Variants in SHANK2 observed in about 807,000 individuals in gnomAD.
SHANK2 encodes SH3 and multiple ankyrin repeat domains 2.
Under a neutral mutation model 133.7 loss-of-function variants are expected in SHANK2, and 43 were observed. The observed-to-expected ratio is 0.32, with a 90% confidence interval of 0.25 to 0.41. SHANK2 has a LOEUF of 0.41. Ranked by LOEUF, SHANK2 falls within the 10% of genes least tolerant of loss-of-function variation. SHANK2 has a pLI of 1.00. For synonymous variants in SHANK2, 1,017 were observed against 952.8 expected (o/e 1.07, Z -1.24); for missense variants, 1,994 against 2,235.8 (o/e 0.89, Z 2.18).
chr11:70,567,542 G>T (rs1442392996), intron 17 of SHANK2, among the ~76,000 whole-genome samples: 1 of 151,946 alleles, frequency 6.6e-6, no homozygotes, highest in Non-Finnish European at 1.5e-5. Flanking sequence ...CAGGAGAATT[G>T]CTTGAACCCA....
intron 10 of SHANK2, among the ~76,000 whole-genome samples, chr11:70,937,576 C>G (rs1386619244): frequency 6.6e-6 from 1 of 152,202 alleles, no homozygotes; most frequent in Non-Finnish European, 1.5e-5. Flanking sequence ...GGCAAGTGTG[C>G]AAAAGATGGG....
chr11:70,817,512 G>T (rs1565337721), intron 12 of SHANK2, among the ~76,000 whole-genome samples: 1 of 152,200 alleles, frequency 6.6e-6, no homozygotes, highest in Non-Finnish European at 1.5e-5. Context: ...CCTGATTTTA[G>T]CACTGAAAGT....
At chr11:70,897,939 T>TAC (rs1417161099) in intron 10 of SHANK2, among the ~76,000 whole-genome samples, 58 of 149,124 alleles carry the variant, frequency 3.9e-4, no homozygotes, top group African/African-American at 1.5e-3. Context: ...ATAATATACA[T>TAC]ATACACACAC....
chr11:70,787,396 TATC>T (rs1947690384), intron 14 of SHANK2, among the ~76,000 whole-genome samples: 2 of 62,346 alleles, frequency 3.2e-5, no homozygotes, highest in South Asian at 1.1e-3. Flanking sequence ...GGATCACCAC[TATC>T]ATCACCGTGA....
At chr11:70,492,846 A>G (rs2058913994) in intron 21 of SHANK2, among the ~76,000 whole-genome samples, 1 of 116,436 alleles carries the variant, frequency 8.6e-6, no homozygotes, top group Non-Finnish European at 1.6e-5. Flanking sequence ...CCCAGGCTGG[A>G]GTGCAGTGGT....
intron 3 of SHANK2, among the ~76,000 whole-genome samples, chr11:71,140,868 C>G (rs1460029439): frequency 6.6e-6 from 1 of 152,200 alleles, no homozygotes; most frequent in Non-Finnish European, 1.5e-5. Context: ...TGCCTTCCTG[C>G]CGGGAATTCA....
chr11:70,737,274 T>C (rs1357838426), intron 14 of SHANK2, among the ~76,000 whole-genome samples: 3 of 152,162 alleles, frequency 2.0e-5, no homozygotes, highest in South Asian at 4.1e-4. Context: ...AATGTTAAAA[T>C]AGAAACAAGT....
At chr11:70,664,266 C>G (rs1256670104) in intron 15 of SHANK2, among the ~76,000 whole-genome samples, 2 of 152,202 alleles carry the variant, frequency 1.3e-5, no homozygotes, top group Non-Finnish European at 2.9e-5. Context: ...TCCCTCTGAA[C>G]TCCTGAAAGG....
intron 17 of SHANK2, among the ~76,000 whole-genome samples, chr11:70,600,209 A>C (rs1427871353): frequency 6.6e-6 from 1 of 152,070 alleles, no homozygotes; most frequent in African/African-American, 2.4e-5. Flanking sequence ...ACTTGAGGTC[A>C]GGAGTTTGAG....
chr11:70,621,320 C>T (rs543324973), intron 17 of SHANK2, among the ~76,000 whole-genome samples: 8 of 152,332 alleles, frequency 5.3e-5, no homozygotes, highest in South Asian at 4.1e-4. Context: ...GAGGCAGGAG[C>T]GGCCAGGGTA....
chr11:71,075,097 C>T (rs1323713458), intron 9 of SHANK2, 62 bp downstream of exon 9: 1 of 164,408 alleles, frequency 6.1e-6, no homozygotes, highest in East Asian at 1.5e-4. Context: ...CAATTTAAGG[C>T]ACTTTGTTTT....
chr11:70,944,839 C>T (rs967411176), intron 10 of SHANK2, among the ~76,000 whole-genome samples: 1 of 152,182 alleles, frequency 6.6e-6, no homozygotes, highest in Non-Finnish European at 1.5e-5. Flanking sequence ...GGCTCTCTTC[C>T]GCCTCCTTGT....
At chr11:70,653,586 A>AAAAG (rs1565216240) in intron 17 of SHANK2, among the ~76,000 whole-genome samples, 29 of 151,412 alleles carry the variant, frequency 1.9e-4, no homozygotes, top group South Asian at 4.2e-4. Context: ...AAAAAAAAAA[A>AAAAG]AAAGAAAGAA....
intron 25 of SHANK2, among the ~76,000 whole-genome samples, chr11:70,480,078 C>T (rs1555151143): frequency 6.6e-6 from 1 of 152,206 alleles, no homozygotes; most frequent in Non-Finnish European, 1.5e-5. Flanking sequence ...TGCTGAAGCC[C>T]TCTGAAGGCA....
chr11:71,250,104 C>T (rs1422577418), intron 1 of SHANK2, among the ~76,000 whole-genome samples: 1 of 146,122 alleles, frequency 6.8e-6, no homozygotes, highest in African/African-American at 2.5e-5. Context: ...ATCCCCCCAA[C>T]AGACCGCCCC....
intron 17 of SHANK2, among the ~76,000 whole-genome samples, chr11:70,575,363 C>CAA (rs1490191007): frequency 6.6e-6 from 1 of 151,712 alleles, no homozygotes; most frequent in Non-Finnish European, 1.5e-5. Flanking sequence ...AATACACACA[C>CAA]AAAAAATCAG....
rs1253502443 is a variant in SHANK2 at position 71,093,266 on chromosome 11, G to T, written c.745-677C>A. On this transcript the variant is annotated intron_variant, in intron 7 of 25. Coordinates refer to ENST00000601538, the MANE Select transcript of SHANK2 (RefSeq NM_012309.5). Reference sequence around the variant, plus strand: ...TTTGCGGAAGAGAGAAAAGGTGCATGGTTTAACCTACATGCCCAGTGGAAA... The same window carrying T: ...TTTGCGGAAGAGAGAAAAGGTGCATTGTTTAACCTACATGCCCAGTGGAAA... Among the ~76,000 whole-genome samples, 8 of 152,118 alleles carry T rather than the reference G, an allele frequency of 5.3e-5. 1 individual carries two copies. The South Asian group carries it at 1.7e-3, about 32-fold the overall frequency.
At chr11:71,235,561 C>G (rs1954816399) in intron 1 of SHANK2, among the ~76,000 whole-genome samples, 1 of 151,082 alleles carries the variant, frequency 6.6e-6, no homozygotes, top group Non-Finnish European at 1.5e-5. Context: ...CCAATGCACT[C>G]CAGCCTGGGC....
chr11:70,805,798 A>C (rs1948145514), intron 13 of SHANK2, among the ~76,000 whole-genome samples: 1 of 152,384 alleles, frequency 6.6e-6, no homozygotes, highest in South Asian at 2.1e-4. Context: ...AAAACTCAAA[A>C]GACGGACTTA....
Sources: allele counts gnomAD v4.1 joint callset (sites outside exome capture counted in the v4.1 genomes callset), GRCh38; gene constraint gnomAD v4.1.1; transcripts MANE v1.5; gene names NCBI Gene and HGNC (gene_info 2026-07-23, HGNC 2026-07-21).